LMO7: variants seen among roughly 807,000 people sequenced by gnomAD.
The protein encoded by LMO7 is LIM domain only protein 7.
Under a neutral mutation model 206.5 loss-of-function variants are expected in LMO7, and 120 were observed. The ratio of observed to expected loss-of-function variants is 0.58; its 90% CI spans 0.50 to 0.68. LMO7 has a LOEUF of 0.68. Among genes scored for constraint, LMO7 ranks in the 30% least tolerant of loss-of-function variants. LMO7 has a pLI of 0.00. For missense variants in LMO7, 1,959 were observed against 1,957.9 expected (o/e 1.00, Z -0.01); for synonymous variants, 706 against 681.5 (o/e 1.04, Z -0.56).
intron 11 of LMO7, among the ~76,000 whole-genome samples, chr13:75,812,346 T>C (rs2056494657): frequency 6.6e-6 from 1 of 152,246 alleles, no homozygotes; most frequent in Non-Finnish European, 1.5e-5. Flanking sequence ...TAGCATTGAT[T>C]GCTCTTCAGA....
chr13:75,773,891 A>G (rs903548532), intron 4 of LMO7, among the ~76,000 whole-genome samples: 5 of 152,064 alleles, frequency 3.3e-5, no homozygotes, highest in Non-Finnish European at 7.4e-5. Context: ...AGTATTCCTC[A>G]TTCCGTTTTT....
chr13:75,719,765 T>C (rs1011668473), intron 2 of LMO7, among the ~76,000 whole-genome samples: 13 of 152,190 alleles, frequency 8.5e-5, no homozygotes, highest in African/African-American at 2.9e-4. Context: ...TAGTCTCAGG[T>C]AGTTCTTAAT....
chr13:75,723,084 G>T (rs1043718146), intron 2 of LMO7, among the ~76,000 whole-genome samples: 1 of 151,940 alleles, frequency 6.6e-6, no homozygotes, highest in Non-Finnish European at 1.5e-5. Context: ...CTCAAGTGAT[G>T]AGTGCACCAA....
At chr13:75,629,907 G>A (rs1429436022) in intron 2 of LMO7, among the ~76,000 whole-genome samples, 1 of 152,184 alleles carries the variant, frequency 6.6e-6, no homozygotes, top group Non-Finnish European at 1.5e-5. Context: ...AGGAAAGGCA[G>A]GAGGGGATTG....
rs189106972 is a variant in LMO7 at position 75,848,604 on chromosome 13, C to T, written c.4151-475C>T. On this transcript the variant is annotated intron_variant, in intron 26 of 30. Coordinates refer to ENST00000377534, the MANE Select transcript of LMO7 (RefSeq NM_001306080.2). ...TTTCATATAATGGCATCTTTTCCTC[C>T]TGGGTGGATACCCAGTATATATATA... is the stretch of plus-strand genomic sequence containing the variant. 2.8e-3 allele frequency among the ~76,000 whole-genome samples: 379 copies of T among 134,164 alleles called. 3 individuals are homozygous for T. The highest frequency in any genetic ancestry group is 4.6e-3 in the Non-Finnish European group (293 of 63,670). 88.0% of individuals were successfully genotyped at this position (134,164 alleles called of 152,430 possible).
At chr13:75,700,854 T>G (rs965214549) in intron 1 of LMO7, among the ~76,000 whole-genome samples, 2 of 152,330 alleles carry the variant, frequency 1.3e-5, no homozygotes, top group East Asian at 3.9e-4. Context: ...TAAGAATTGT[T>G]TATTTCTGAA....
chr13:75,663,676 C>T (rs926724406), intron 1 of LMO7, among the ~76,000 whole-genome samples: 3 of 151,986 alleles, frequency 2.0e-5, no homozygotes, highest in East Asian at 1.9e-4. Flanking sequence ...GTGATCCACC[C>T]GCCTCGGCCT....
intron 13 of LMO7, among the ~76,000 whole-genome samples, chr13:75,820,803 G>A (rs1024312387): frequency 6.6e-6 from 1 of 152,078 alleles, no homozygotes; most frequent in African/African-American, 2.4e-5. Flanking sequence ...GATCAGCTTG[G>A]CCAATATGTT....
At chr13:75,792,500 G>T (rs2053447829) in intron 4 of LMO7, among the ~76,000 whole-genome samples, 1 of 152,174 alleles carries the variant, frequency 6.6e-6, no homozygotes. Context: ...CAACTTTGGA[G>T]CTAAGGCTGT....
intron 3 of LMO7, among the ~76,000 whole-genome samples, chr13:75,738,554 C>A (rs1342103133): frequency 6.6e-6 from 1 of 151,984 alleles, no homozygotes; most frequent in African/African-American, 2.4e-5. Flanking sequence ...TAAAGAAATA[C>A]ATGTTCTCTA....
At chr13:75,679,545 C>T (rs953223045) in intron 1 of LMO7, among the ~76,000 whole-genome samples, 3 of 152,144 alleles carry the variant, frequency 2.0e-5, no homozygotes, top group Non-Finnish European at 4.4e-5. Flanking sequence ...TGGCTCCTAC[C>T]CTGGACACAC....
At chr13:75,853,905 G>A (rs529555672) in intron 28 of LMO7, among the ~76,000 whole-genome samples, 61 of 152,294 alleles carry the variant, frequency 4.0e-4, no homozygotes, top group African/African-American at 1.3e-3. Flanking sequence ...ATGCAAAGTC[G>A]GATAGATCTT....
At chr13:75,733,450 C>T (rs1235032858) in intron 3 of LMO7, among the ~76,000 whole-genome samples, 1 of 152,234 alleles carries the variant, frequency 6.6e-6, no homozygotes, top group Non-Finnish European at 1.5e-5. Flanking sequence ...ATATAATCTC[C>T]TGGTGCGCCG....
Position 75,696,935 on chromosome 13 carries a change from G to A in LMO7, c.70-16247G>A, listed in dbSNP as rs78767285. Reference sequence around the variant, plus strand: ...GGCTATGAGGTAACGCACGTCGAACGTTGCCAGACTGTTTCTTTTTTAAAG... The same window carrying A: ...GGCTATGAGGTAACGCACGTCGAACATTGCCAGACTGTTTCTTTTTTAAAG... On this transcript the variant is annotated intron_variant, in intron 1 of 30. Coordinates refer to ENST00000377534, the MANE Select transcript of LMO7 (RefSeq NM_001306080.2). Among the ~76,000 whole-genome samples the A allele has an allele frequency of 5.2e-3, 788 of 152,210 alleles. 6 individuals are homozygous for A. Among genetic ancestry groups the A allele is most frequent in the African/African-American group, 0.018 (759 of 41,528 alleles).
At chr13:75,637,418 A>C (rs1329974614) in intron 1 of LMO7, among the ~76,000 whole-genome samples, 1 of 152,184 alleles carries the variant, frequency 6.6e-6, no homozygotes, top group Non-Finnish European at 1.5e-5. Context: ...TTTCACCCTG[A>C]AAAAGAGCGG....
intron 1 of LMO7, among the ~76,000 whole-genome samples, chr13:75,644,539 G>T (rs1458347118): frequency 2.6e-5 from 4 of 152,104 alleles, no homozygotes; most frequent in African/African-American, 7.2e-5. Context: ...TACAACTTCC[G>T]CTCACCAGCA....
chr13:75,709,719 G>A (rs1376397047), intron 1 of LMO7, among the ~76,000 whole-genome samples: 1 of 152,094 alleles, frequency 6.6e-6, no homozygotes, highest in Non-Finnish European at 1.5e-5. Context: ...AGATGAGTAA[G>A]TTGCAAAATT....
chr13:75,806,301 C>A, intron 9 of LMO7: 1 of 944,068 alleles, frequency 1.1e-6, no homozygotes, highest in Non-Finnish European at 1.3e-6. Context: ...GCGGGTCTGG[C>A]CTCAGACAAC....
chr13:75,658,772 G>C (rs1490348783), intron 1 of LMO7, among the ~76,000 whole-genome samples: 2 of 150,148 alleles, frequency 1.3e-5, no homozygotes, highest in African/African-American at 4.9e-5. Flanking sequence ...TGTATTTTTA[G>C]TAGAGACGGG....
Sources: gnomAD v4.1 joint callset for allele counts (sites outside exome capture counted in the v4.1 genomes callset) on GRCh38, gnomAD v4.1.1 for gene constraint, MANE v1.5 for transcripts, NCBI Gene and HGNC (gene_info 2026-07-23, HGNC 2026-07-21) for gene names.